The following VIPR2 variants were observed in gnomAD, a reference collection of about 807,000 sequenced individuals.
The protein encoded by VIPR2 is vasoactive intestinal peptide receptor 2, also known as vasoactive intestinal polypeptide receptor 2.
VIPR2 carries 48 observed loss-of-function variants against 58.0 expected under a neutral mutation model. The observed-to-expected ratio is 0.83, with a 90% CI of 0.66 to 1.05. The LOEUF (loss-of-function observed/expected upper bound fraction) is 1.05, where lower values mean the gene tolerates loss of function less well. Ranked by LOEUF, VIPR2 falls within the 50% of genes least tolerant of loss-of-function variation. The pLI is 0.00. For synonymous variants in VIPR2, 243 were observed against 235.2 expected, an observed-to-expected ratio of 1.03 and a Z score of -0.30; for missense variants, 534 against 558.0, an observed-to-expected ratio of 0.96 and a Z score of 0.43.
rs1003103647 is a variant in VIPR2 at position 159,035,824 on chromosome 7, G to A, written c.809+128C>T. On this transcript the variant is annotated intron_variant, in intron 8 of 12. Coordinates refer to ENST00000262178, the MANE Select transcript of VIPR2 (RefSeq NM_003382.5). ...CATGAATCGCCCAGATGCTTCCTGCGTGGCTGTCGGTTGGCCGCAAACGCT... is the reference window on the plus strand; with the variant it reads ...CATGAATCGCCCAGATGCTTCCTGCATGGCTGTCGGTTGGCCGCAAACGCT... 3.5e-5 allele frequency: 50 copies of A among 1,442,472 alleles called. No individual in the cohort carries two copies. The Middle Eastern group carries it at 6.3e-4, about 18-fold the overall frequency. 89.4% of individuals were successfully genotyped at this position (1,442,472 alleles called of 1,614,324 possible).
At chr7:159,091,616 G>A (rs901954612) in intron 4 of VIPR2, among the ~76,000 whole-genome samples, 7 of 152,182 alleles carry the variant, frequency 4.6e-5, no homozygotes, top group Non-Finnish European at 8.8e-5. Flanking sequence ...CACACAGTCC[G>A]GTTCCCCCAT....
At chr7:159,037,047 A>C in intron 6 of VIPR2, 145 bp from the exon 7 acceptor site, 3 of 1,022,802 alleles carry the variant, frequency 2.9e-6, no homozygotes, top group Non-Finnish European at 4.2e-6. Context: ...AAAGTGATTA[A>C]CACAGAGGCC....
chr7:159,102,666 C>G (rs1047967930), intron 4 of VIPR2, among the ~76,000 whole-genome samples: 2 of 152,234 alleles, frequency 1.3e-5, no homozygotes, highest in Non-Finnish European at 2.9e-5. Context: ...AGCCAGGCAG[C>G]ATTGCCACCA....
chr7:159,031,675 G>A lies in VIPR2; in HGVS notation c.1143+153C>T. ...AGTGGGTTTGCCTGTGTCGTTGTGG[G>A]TTCTCTGATGGGGACACAGAACTGT... On this transcript the variant is annotated intron_variant, in intron 12 of 12. Transcript: ENST00000262178. This position sits in a 1 kb window ranked among gnomAD's most constrained non-coding sequence, Gnocchi z 4.0. The A allele has an allele frequency of 2.0e-6, 2 of 985,400 alleles. No homozygotes were observed. The highest frequency in any genetic ancestry group is 2.4e-6 in the Non-Finnish European group (2 of 829,928). The allele number at this position is 985,400 out of a possible 1,614,324, so 61.0% of individuals were successfully genotyped here.
chr7:159,094,363 A>G (rs1213848375), intron 4 of VIPR2, among the ~76,000 whole-genome samples: 1 of 152,204 alleles, frequency 6.6e-6, no homozygotes, highest in East Asian at 1.9e-4. Context: ...AGTTGAGCCC[A>G]TGGCTGCTTC....
Position 159,144,730 on chromosome 7 carries a change from C to G in VIPR2, c.42G>C (p.Leu14=). The G allele has an allele frequency of 3.0e-6, 4 of 1,325,486 alleles. No homozygotes were observed. The highest frequency in any genetic ancestry group is 3.8e-6 in the Non-Finnish European group (4 of 1,039,918). 82.1% of individuals were successfully genotyped at this position (1,325,486 alleles called of 1,614,324 possible). ...TCGCGGGCGCACTCACGGGGGCGAGCAGCCAGCAGGTCAGCAGCGCGGGAG... is the reference window on the plus strand; with the variant it reads ...TCGCGGGCGCACTCACGGGGGCGAGGAGCCAGCAGGTCAGCAGCGCGGGAG... ...LLPPALLTCW[L]LAPVNSIHPE... The change falls in exon 1 of 13, where the codon CTG becomes CTC. Residue 14 remains leucine (L), a synonymous_variant. Coordinates refer to ENST00000262178, the MANE Select transcript of VIPR2 (RefSeq NM_003382.5).
intron 3 of VIPR2, among the ~76,000 whole-genome samples, chr7:159,108,765 A>G (rs1585517220): frequency 6.6e-6 from 1 of 152,342 alleles, no homozygotes; most frequent in East Asian, 1.9e-4. Flanking sequence ...GCCAGAGTCC[A>G]TGCCAATTCC....
rs1197976016 is a variant in VIPR2 at position 159,099,985 on chromosome 7, C to T, written c.357+3772G>A. Among the ~76,000 whole-genome samples the T allele has an allele frequency of 6.6e-6, 1 of 152,168 alleles. No individual in the cohort carries two copies. Among genetic ancestry groups the T allele is most frequent in the Non-Finnish European group, 1.5e-5 (1 of 68,020 alleles). ...TCCCTGAGGACCTTCCTCAAGGGCT[C>T]ACAGCCATGCGTGCTGGAGCTGGGC... On this transcript the variant is annotated intron_variant, in intron 4 of 12. Coordinates refer to ENST00000262178, the MANE Select transcript of VIPR2 (RefSeq NM_003382.5). The surrounding 1 kb of genome is among the most constrained non-coding windows in gnomAD (Gnocchi z 4.2).
intron 8 of VIPR2, chr7:159,035,690 C>G: frequency 2.0e-5 from 20 of 985,426 alleles, no homozygotes; most frequent in Non-Finnish European, 2.4e-5. Flanking sequence ...GGGGCTGCCC[C>G]AGTCTCTGCC....
intron 5 of VIPR2, among the ~76,000 whole-genome samples, chr7:159,055,805 G>A (rs1005431338): frequency 6.6e-6 from 1 of 152,150 alleles, no homozygotes; most frequent in Non-Finnish European, 1.5e-5. Flanking sequence ...CCAAATACAT[G>A]TTTGCTGGGT....
intron 2 of VIPR2, among the ~76,000 whole-genome samples, chr7:159,120,717 G>A (rs1358788125): frequency 6.6e-6 from 1 of 152,178 alleles, no homozygotes; most frequent in Non-Finnish European, 1.5e-5. Flanking sequence ...AGGTGCAGCT[G>A]TGCGGGCTCC....
intron 6 of VIPR2, among the ~76,000 whole-genome samples, chr7:159,038,565 A>G (rs1239824438): frequency 6.6e-6 from 1 of 152,196 alleles, no homozygotes; most frequent in African/African-American, 2.4e-5. Context: ...TTTGAAAAGT[A>G]AAGTGAAATA....
chr7:159,109,348 G>A (rs1795898117), intron 3 of VIPR2, among the ~76,000 whole-genome samples: 1 of 152,232 alleles, frequency 6.6e-6, no homozygotes, highest in African/African-American at 2.4e-5. Context: ...GAGGCGGCAG[G>A]GAGGTTGGGG....
chr7:159,119,423 G>A (rs996576905), intron 2 of VIPR2, among the ~76,000 whole-genome samples: 2 of 152,208 alleles, frequency 1.3e-5, no homozygotes, highest in Non-Finnish European at 2.9e-5. Flanking sequence ...CGTGGCCTGC[G>A]TCTCCAGACT....
chr7:159,083,003 G>T (rs1394192871), intron 4 of VIPR2, among the ~76,000 whole-genome samples: 3 of 152,124 alleles, frequency 2.0e-5, no homozygotes, highest in Non-Finnish European at 2.9e-5. Context: ...TTTCAGTTGT[G>T]GTTGGCTTCA....
Position 159,142,537 on chromosome 7 carries a change from GCTGTTCAC to G in VIPR2, c.52_59del (p.Val18HisfsTer76). On this transcript the variant is annotated frameshift_variant and splice_region_variant, in exon 2 of 13. Transcript: ENST00000262178. LOFTEE classifies it high-confidence loss of function. ...GATGAAATCGGCATTCTGGGTGAAT[GCTGTTCAC>G]CTGTTCACGGTTAAAAGAAATATTA... 6 of 1,610,010 alleles carry G rather than the reference GCTGTTCAC, an allele frequency of 3.7e-6. No individual in the cohort carries two copies. Among genetic ancestry groups the G allele is most frequent in the Non-Finnish European group, 5.1e-6 (6 of 1,176,614 alleles).
At chr7:159,042,993 AAGGG>A in intron 6 of VIPR2, 38 bp downstream of exon 6, 1 of 1,599,680 alleles carries the variant, frequency 6.3e-7, no homozygotes, top group Non-Finnish European at 8.5e-7. Context: ...AACAGAGATA[AAGGG>A]ACAAGACAGT....
intron 5 of VIPR2, among the ~76,000 whole-genome samples, chr7:159,050,442 A>C (rs1017544841): frequency 1.1e-4 from 17 of 151,964 alleles, no homozygotes; most frequent in African/African-American, 3.4e-4. Flanking sequence ...AAATTAATAT[A>C]TTTAAGAAAA....
At position 159,030,777 on chromosome 7, in the gene VIPR2, G is replaced by C; in HGVS notation, c.1156C>G (p.Leu386Val). Residue 386 changes from leucine to valine, a missense_variant, in exon 13 of 13, where the codon CTG becomes GTG. By Grantham distance (32) the Leu-to-Val change is conservative. Transcript: ENST00000262178. ...CFLNSEVQCE[L>V]KRKWRSRCPT... The stretch of plus-strand genomic sequence containing the variant: ...CACCGGCTTCGCCATTTTCGCTTCA[G>C]CTCGCACTGCACCTGGGAGGTGAGG... 1 of 1,594,022 alleles carries C rather than the reference G, an allele frequency of 6.3e-7. No homozygotes were observed. The highest frequency in any genetic ancestry group is 8.5e-7 in the Non-Finnish European group (1 of 1,171,044).
Sources: gnomAD v4.1 joint callset for allele counts (sites outside exome capture counted in the v4.1 genomes callset) on GRCh38, gnomAD v4.1.1 for gene constraint, Gnocchi (gnomAD v3.1) non-coding constraint, MANE v1.5 for transcripts, NCBI Gene and HGNC (gene_info 2026-07-23, HGNC 2026-07-21) for gene names.